PVT1: variants seen among roughly 807,000 people sequenced by gnomAD.
The protein encoded by PVT1 is CXCR4/PVT1 fusion.
chr8:127,930,489 C>T (rs1248365308), intron 3 of PVT1, among the ~76,000 whole-genome samples: 1 of 152,142 alleles, frequency 6.6e-6, no homozygotes, highest in Non-Finnish European at 1.5e-5. Flanking sequence ...TAAAATAAAC[C>T]CGGGTTTGAA....
At chr8:127,845,462 G>A (rs1422206275) in intron 2 of PVT1, among the ~76,000 whole-genome samples, 4 of 152,152 alleles carry the variant, frequency 2.6e-5, no homozygotes, top group Non-Finnish European at 4.4e-5. Flanking sequence ...TGGGGAGGAG[G>A]AGGAAGTTTA....
chr8:128,066,284 C>G (rs1199918029), intron 4 of PVT1, among the ~76,000 whole-genome samples: 1 of 152,162 alleles, frequency 6.6e-6, no homozygotes, highest in Non-Finnish European at 1.5e-5. Context: ...TTCTGGCCTT[C>G]ATGTTGGAAT....
chr8:127,893,403 A>C (rs1363894120), intron 3 of PVT1, among the ~76,000 whole-genome samples: 2 of 152,112 alleles, frequency 1.3e-5, no homozygotes, highest in Non-Finnish European at 2.9e-5. Context: ...CAGCCTCCCA[A>C]GTAGCTGGGA....
chr8:127,978,484 T>A (rs1299291078), intron 3 of PVT1, among the ~76,000 whole-genome samples: 1 of 150,246 alleles, frequency 6.7e-6, no homozygotes, highest in Non-Finnish European at 1.5e-5. Flanking sequence ...TATTATTATT[T>A]ATTATTATTA....
intron 2 of PVT1, among the ~76,000 whole-genome samples, chr8:127,839,991 G>A (rs1298459293): frequency 6.6e-6 from 1 of 152,194 alleles, no homozygotes; most frequent in Non-Finnish European, 1.5e-5. Context: ...TGTTCTTGGA[G>A]CCCACAGGCA....
chr8:127,926,719 G>T (rs1816134371), intron 3 of PVT1, among the ~76,000 whole-genome samples: 1 of 152,050 alleles, frequency 6.6e-6, no homozygotes, highest in Non-Finnish European at 1.5e-5. Context: ...TCTGTCCCCG[G>T]GTGCCCACCC....
chr8:127,809,029 C>CAAAAAAAAAAAAAAAAAAAAAA (rs1158760672), intron 2 of PVT1, among the ~76,000 whole-genome samples: 6 of 28,274 alleles, frequency 2.1e-4, no homozygotes, highest in Admixed American at 4.4e-4. Flanking sequence ...GATTCCATCT[C>CAAAAAAAAAAAAAAAAAAAAAA]AAAAAAAAAA....
intron 3 of PVT1, among the ~76,000 whole-genome samples, chr8:127,928,542 C>T (rs1816160296): frequency 6.6e-6 from 1 of 152,258 alleles, no homozygotes. Context: ...CATCTTGTCC[C>T]TGAAAATTGG....
chr8:127,800,950 G>T (rs762937727), intron 2 of PVT1, among the ~76,000 whole-genome samples: 1 of 152,176 alleles, frequency 6.6e-6, no homozygotes, highest in Non-Finnish European at 1.5e-5. Context: ...TAAGTTGTCC[G>T]GTCAGAGTCA....
At chr8:127,987,296 T>C (rs1816980739) in intron 3 of PVT1, among the ~76,000 whole-genome samples, 1 of 152,198 alleles carries the variant, frequency 6.6e-6, no homozygotes, top group Admixed American at 6.5e-5. Context: ...TTGAATCCAC[T>C]CTTTTTCACA....
chr8:127,967,279 C>T (rs1586459624), intron 3 of PVT1, among the ~76,000 whole-genome samples: 2 of 151,306 alleles, frequency 1.3e-5, no homozygotes, highest in Admixed American at 1.3e-4. Flanking sequence ...ATGAACTGGG[C>T]AGTGAAGTGG....
At chr8:127,895,432 C>T (rs1166909308) in intron 3 of PVT1, among the ~76,000 whole-genome samples, 1 of 152,118 alleles carries the variant, frequency 6.6e-6, no homozygotes, top group East Asian at 1.9e-4. Flanking sequence ...GATTGCACCA[C>T]TGCACTCCAG....
chr8:127,984,944 TC>T (rs769056012), intron 3 of PVT1, among the ~76,000 whole-genome samples: 1 of 147,102 alleles, frequency 6.8e-6, no homozygotes, highest in Non-Finnish European at 1.5e-5. Flanking sequence ...TTTCTTTCTT[TC>T]CCCTTCCTTC....
At chr8:127,984,226 C>T (rs529574875) in intron 3 of PVT1, 1 of 152,300 alleles carries the variant, frequency 6.6e-6, no homozygotes, top group Admixed American at 6.5e-5. Context: ...TATAGAAACA[C>T]TCCTCAGTTT....
At chr8:127,892,264 T>C (rs1815621224) in intron 3 of PVT1, among the ~76,000 whole-genome samples, 1 of 152,250 alleles carries the variant, frequency 6.6e-6, no homozygotes, top group Non-Finnish European at 1.5e-5. Context: ...TATATTCATA[T>C]GTGCAATTTA....
At chr8:128,055,229 G>A (rs568170290) in intron 4 of PVT1, among the ~76,000 whole-genome samples, 1 of 152,188 alleles carries the variant, frequency 6.6e-6, no homozygotes, top group East Asian at 1.9e-4. Context: ...GGAGAACCTT[G>A]ATATTACATG....
At chr8:127,859,865 A>T (rs1395665504) in intron 2 of PVT1, among the ~76,000 whole-genome samples, 3 of 151,764 alleles carry the variant, frequency 2.0e-5, no homozygotes, top group African/African-American at 7.3e-5. Context: ...CTTGGCCGTC[A>T]TTTGTTTCTT....
At position 127,943,791 on chromosome 8, in the gene PVT1, C is replaced by T. The variant is rs147829167; in HGVS notation, n.783-45371C>T. On this transcript the variant is annotated intron_variant and non_coding_transcript_variant, in intron 3 of 10. Coordinates refer to ENST00000651587, the Ensembl canonical transcript of PVT1. ...TTCCACAGAGCCTTCTCCTTAAAGA[C>T]AGATAGGTTGATGGACAGTTGGATT... Among the ~76,000 whole-genome samples, 8 of 152,286 alleles carry T rather than the reference C, an allele frequency of 5.3e-5. No individual in the cohort carries two copies. In the East Asian group the frequency reaches 1.4e-3, roughly 26 times the overall value.
intron 4 of PVT1, among the ~76,000 whole-genome samples, chr8:128,052,158 C>T (rs965318397): frequency 4.6e-5 from 7 of 152,164 alleles, no homozygotes; most frequent in Non-Finnish European, 7.3e-5. Context: ...AATTCTTAAG[C>T]GGGCTGGCCT....
Sources: gnomAD v4.1 joint callset for allele counts (sites outside exome capture counted in the v4.1 genomes callset) on GRCh38, gnomAD v4.1.1 for gene constraint, MANE v1.5 for transcripts, NCBI Gene and HGNC (gene_info 2026-07-23, HGNC 2026-07-21) for gene names.